The following CAST variants were observed in gnomAD, a reference collection of about 807,000 sequenced individuals.
The protein encoded by CAST is MIR583 host.
Under a neutral mutation model 119.6 loss-of-function variants are expected in CAST, and 76 were observed. The observed-to-expected ratio is 0.64, with a 90% CI of 0.53 to 0.77. CAST has a LOEUF of 0.77. Ranked by LOEUF, CAST falls within the 30% of genes least tolerant of loss-of-function variation. CAST has a pLI of 0.00. For synonymous variants in CAST, 319 were observed against 331.6 expected, an observed-to-expected ratio of 0.96 and a Z score of 0.41; for missense variants, 953 against 946.5, an observed-to-expected ratio of 1.01 and a Z score of -0.09.
chr5:96,610,366 T>C (rs1171992512), intron 1 of CAST, among the ~76,000 whole-genome samples: 1 of 152,174 alleles, frequency 6.6e-6, no homozygotes, highest in Non-Finnish European at 1.5e-5. Context: ...ACTAATACAA[T>C]ATGTAAATCA....
intron 1 of CAST, among the ~76,000 whole-genome samples, chr5:96,611,813 ATAC>A (rs1317613122): frequency 1.3e-5 from 2 of 152,188 alleles, no homozygotes; most frequent in Non-Finnish European, 2.9e-5. Context: ...AAAAAAAGAC[ATAC>A]AAGCAGCCAA....
At chr5:96,197,568 G>A in the CAST span, among the ~76,000 whole-genome samples, 1 of 152,088 alleles carries the variant, frequency 6.6e-6, no homozygotes, top group African/African-American at 2.4e-5. Flanking sequence ...TTTTTAAAAG[G>A]GAAGTCGTAT....
chr5:96,412,075 T>C, the CAST span, among the ~76,000 whole-genome samples: 1 of 152,238 alleles, frequency 6.6e-6, no homozygotes, highest in East Asian at 1.9e-4. Context: ...TGGCCACTCC[T>C]GGCCTCAATT....
At chr5:96,145,560 G>C in the CAST span, among the ~76,000 whole-genome samples, 1 of 151,978 alleles carries the variant, frequency 6.6e-6, no homozygotes, top group Non-Finnish European at 1.5e-5. Context: ...CAAAGGAGAG[G>C]GAAATATTAG....
chr5:96,215,437 C>G, the CAST span: 2 of 152,130 alleles, frequency 1.3e-5, no homozygotes, highest in South Asian at 4.1e-4. Context: ...GAGAGGCCTT[C>G]TTTTACATTT....
At chr5:96,199,325 G>C in the CAST span, among the ~76,000 whole-genome samples, 12 of 152,100 alleles carry the variant, frequency 7.9e-5, no homozygotes, top group African/African-American at 2.9e-4. Flanking sequence ...CAAAGGAAAG[G>C]ACTGGAAACA....
At chr5:96,235,416 T>C in the CAST span, among the ~76,000 whole-genome samples, 1 of 152,214 alleles carries the variant, frequency 6.6e-6, no homozygotes, top group African/African-American at 2.4e-5. Context: ...AGTCCATCCC[T>C]TCACAGAGCT....
intron 1 of CAST, among the ~76,000 whole-genome samples, chr5:96,552,593 A>G (rs933605519): frequency 7.9e-5 from 12 of 152,192 alleles, no homozygotes; most frequent in African/African-American, 2.9e-4. Flanking sequence ...GGAGATAGAG[A>G]CACAAAAAGC....
At chr5:95,992,624 T>C in the CAST span, among the ~76,000 whole-genome samples, 1 of 152,188 alleles carries the variant, frequency 6.6e-6, no homozygotes, top group East Asian at 1.9e-4. Flanking sequence ...AGATTAGATC[T>C]TGGAACAGAA....
chr5:96,356,790 G>T, the CAST span, among the ~76,000 whole-genome samples: 1 of 152,076 alleles, frequency 6.6e-6, no homozygotes, highest in Non-Finnish European at 1.5e-5. Context: ...TGTTCTTTTT[G>T]CTTAGGATTG....
At chr5:96,754,384 A>G (rs945506001) in intron 21 of CAST, among the ~76,000 whole-genome samples, 1 of 152,152 alleles carries the variant, frequency 6.6e-6, no homozygotes, top group African/African-American at 2.4e-5. Flanking sequence ...GAGGCCTCTG[A>G]GTCTCATCTT....
chr5:96,521,564 G>A (rs1414333504), upstream of CAST, among the ~76,000 whole-genome samples: 1 of 152,046 alleles, frequency 6.6e-6, no homozygotes, highest in African/African-American at 2.4e-5. Context: ...CATAAGACTT[G>A]TGACTCTTGT....
At chr5:96,586,846 G>A (rs1746869660) in intron 1 of CAST, among the ~76,000 whole-genome samples, 1 of 152,206 alleles carries the variant, frequency 6.6e-6, no homozygotes, top group African/African-American at 2.4e-5. Context: ...TCTACTAGGT[G>A]TTAGCCAGGC....
intron 1 of CAST, among the ~76,000 whole-genome samples, chr5:96,675,125 C>G (rs1046769326): frequency 3.9e-5 from 6 of 152,180 alleles, no homozygotes; most frequent in Admixed American, 6.5e-5. Flanking sequence ...CGGAAGAACT[C>G]TAGGGAATTC....
chr5:96,266,260 A>T, the CAST span, among the ~76,000 whole-genome samples: 7 of 152,148 alleles, frequency 4.6e-5, no homozygotes, highest in Non-Finnish European at 7.4e-5. Flanking sequence ...GTGATTAAAA[A>T]TTTCCCCCAA....
chr5:96,621,435 C>T (rs891716742), intron 1 of CAST, among the ~76,000 whole-genome samples: 9 of 152,158 alleles, frequency 5.9e-5, no homozygotes, highest in Non-Finnish European at 1.0e-4. Flanking sequence ...TTAATTGACT[C>T]GCAGCTCTGC....
At chr5:96,051,213 T>C in the CAST span, among the ~76,000 whole-genome samples, 3 of 152,136 alleles carry the variant, frequency 2.0e-5, no homozygotes, top group Admixed American at 2.0e-4. Context: ...TGTGTGTGTG[T>C]GACACACAGA....
the CAST span, among the ~76,000 whole-genome samples, chr5:96,061,194 G>T: frequency 6.6e-6 from 1 of 152,012 alleles, no homozygotes; most frequent in African/African-American, 2.4e-5. Flanking sequence ...GAATCACAAT[G>T]CAGACTCCTA....
At chr5:96,744,519 G>C (rs949720155) in intron 16 of CAST, among the ~76,000 whole-genome samples, 1 of 152,160 alleles carries the variant, frequency 6.6e-6, no homozygotes, top group Non-Finnish European at 1.5e-5. Flanking sequence ...TCCCTCCCAC[G>C]ACACGTGGGA....
Sources: allele counts gnomAD v4.1 joint callset (sites outside exome capture counted in the v4.1 genomes callset), GRCh38; gene constraint gnomAD v4.1.1; transcripts MANE v1.5; gene names NCBI Gene and HGNC (gene_info 2026-07-23, HGNC 2026-07-21).